UCP3: variants seen among roughly 807,000 people sequenced by gnomAD.
UCP3 encodes the protein putative mitochondrial transporter UCP3.
In UCP3, 24 loss-of-function variants were observed where a neutral mutation model predicts 28.1. The observed-to-expected ratio is 0.85, with a 90% CI of 0.62 to 1.20. UCP3 has a LOEUF of 1.20. UCP3 is among the 50% of genes most tolerant of loss of function. The pLI is 0.00. For synonymous variants in UCP3, 184 were observed against 171.2 expected (o/e 1.07, Z -0.59); for missense variants, 397 against 422.2 (o/e 0.94, Z 0.52).
rs536504852 is a variant in UCP3 at position 74,006,860 on chromosome 11, G to T, written c.126+57C>A. The T allele has an allele frequency of 7.6e-5, 123 of 1,613,524 alleles. No homozygotes were observed. The South Asian group carries it at 1.1e-3, about 14-fold the overall frequency. On this transcript the variant is annotated intron_variant, in intron 2 of 6. Coordinates refer to ENST00000314032, the MANE Select transcript of UCP3 (RefSeq NM_003356.4). The stretch of plus-strand genomic sequence containing the variant: ...TGGGCACACGTCATGGGGGATATGG[G>T]AGAGAACTAGCCCCTCCTTCCATGT...
chr11:74,001,663 GTC>G (rs3837411), intron 6 of UCP3, 137 bp from the exon 7 acceptor site: 34 of 712,504 alleles, frequency 4.8e-5, no homozygotes, highest in Non-Finnish European at 6.1e-5. Context: ...AATCCTTTCA[GTC>G]TCTCTCTCTC....
chr11:74,005,703 C>T (rs763794353), intron 4 of UCP3, 27 bp downstream of exon 4: 7 of 1,613,160 alleles, frequency 4.3e-6, no homozygotes, highest in East Asian at 4.5e-5. Context: ...CTGCCTAAGA[C>T]CGCCTGCGTC....
intron 1 of UCP3, among the ~76,000 whole-genome samples, chr11:74,008,313 A>G (rs911055901): frequency 1.3e-5 from 2 of 152,190 alleles, no homozygotes; most frequent in African/African-American, 4.8e-5. Context: ...TCTCAGCCCC[A>G]GAGATCCTGA....
Position 74,003,931 on chromosome 11 carries a change from C to T in UCP3, c.720G>A (p.Val240=). ...CATVVASPVD[V]VKTRYMNSPP... The stretch of plus-strand genomic sequence containing the variant: ...GTGAGTTCATATACCGGGTCTTCAC[C>T]ACGTCCACCGGGGAGGCCACCACTG... The change falls in exon 6 of 7, where the codon GTG becomes GTA. Residue 240 remains valine, a synonymous_variant. Transcript: ENST00000314032. 6.2e-7 allele frequency: 1 copy of T among 1,614,150 alleles called. No homozygotes were observed. Among genetic ancestry groups the T allele is most frequent in the Non-Finnish European group, 8.5e-7 (1 of 1,180,038 alleles).
In UCP3 at chr11:74,001,006, T is replaced by C; in HGVS notation, c.*406A>G. The C allele has an allele frequency of 4.2e-6, 1 of 238,844 alleles. No individual in the cohort carries two copies. Among genetic ancestry groups the C allele is most frequent in the Non-Finnish European group, 8.2e-6 (1 of 122,054 alleles). The allele number at this position is 238,844 out of a possible 1,614,324, so 14.8% of individuals were successfully genotyped here. A position where few individuals can be genotyped will look rare whatever the true frequency, so the allele number is the denominator to read the frequency against. ...CCAGGCTCCGTGGCTGATCTCCCAC[T>C]CCATTGTGGGCCCCTCCTGTCCCGT... On this transcript the variant is annotated 3_prime_UTR_variant, in exon 7 of 7. Transcript: ENST00000314032.
chr11:74,006,435 G>C (rs912030114), intron 2 of UCP3, 56 bp from the exon 3 acceptor site: 2 of 1,460,356 alleles, frequency 1.4e-6, no homozygotes, highest in African/African-American at 1.4e-5. Flanking sequence ...AAGGGGCTGC[G>C]TGCACAGGAA....
chr11:74,006,503 T>C (rs1951668651), intron 2 of UCP3, 124 bp from the exon 3 acceptor site: 1 of 959,102 alleles, frequency 1.0e-6, no homozygotes, highest in African/African-American at 1.6e-5. Context: ...CTGGTCACAG[T>C]AGAAATCACT....
rs756995001 is a variant in UCP3 at position 74,006,984 on chromosome 11, G to GC, written c.58dup (p.Ala20GlyfsTer9). Reference sequence around the variant, plus strand: ...GTCAGCAAAACAGGCTGCTGTGCCTGCCCCCAGGAACTTCACAGCCATGGT... The same window carrying GC: ...GTCAGCAAAACAGGCTGCTGTGCCTGCCCCCCAGGAACTTCACAGCCATGGT... On this transcript the variant is annotated frameshift_variant, in exon 2 of 7. Transcript: ENST00000314032. LOFTEE classifies it high-confidence loss of function. 1 of 1,614,214 alleles carries GC rather than the reference G, an allele frequency of 6.2e-7. No homozygotes were observed. Among genetic ancestry groups the GC allele is most frequent in the Non-Finnish European group, 8.5e-7 (1 of 1,180,044 alleles).
chr11:74,005,725 C>A lies in UCP3; in HGVS notation c.541+5G>T, dbSNP rs779487396. On this transcript the variant is annotated splice_donor_5th_base_variant and intron_variant, in intron 4 of 6. Coordinates refer to ENST00000314032, the MANE Select transcript of UCP3 (RefSeq NM_003356.4). ...AGACCGCCTGCGTCCAGAGTCCAGA[C>A]CTACCTTTCCACAGGCCCCTGACTC... The A allele has an allele frequency of 6.2e-7, 1 of 1,614,084 alleles. No homozygotes were observed. The highest frequency in any genetic ancestry group is 8.5e-7 in the Non-Finnish European group (1 of 1,180,040).
At chr11:74,001,863 G>A (rs143673013) in intron 6 of UCP3, 68 of 329,346 alleles carry the variant, frequency 2.1e-4, no homozygotes, top group African/African-American at 1.3e-3. Context: ...CCAAAGACCC[G>A]CGGCTAGTAA....
rs11235970 is a variant in UCP3, at chr11:74,001,779, C to T, written c.825-253G>A. On this transcript the variant is annotated intron_variant, in intron 6 of 6. Coordinates refer to ENST00000314032, the MANE Select transcript of UCP3 (RefSeq NM_003356.4). ...TACTGTGTTAGGCAGCGAATTCTCA[C>T]AGTTCTATAAGGCAGCCATGTTGCT... The T allele has an allele frequency of 5.4e-3, 2,488 of 464,262 alleles. 30 individuals are homozygous for T. Among genetic ancestry groups the T allele is most frequent in the Middle Eastern group, 0.034 (54 of 1,574 alleles). 28.8% of individuals were successfully genotyped at this position (464,262 alleles called of 1,614,324 possible).
intron 6 of UCP3, chr11:74,003,599 T>C: frequency 7.7e-7 from 1 of 1,294,188 alleles, no homozygotes; most frequent in Non-Finnish European, 9.8e-7. Flanking sequence ...GGCAGTACTT[T>C]TACCTATTCC....
rs747884430 is a variant in UCP3 at position 74,005,888 on chromosome 11, G to T, written c.383C>A (p.Ala128Asp). 3 of 1,614,196 alleles carry T rather than the reference G, an allele frequency of 1.9e-6. No homozygotes were observed. The highest frequency in any genetic ancestry group is 2.5e-6 in the Non-Finnish European group (3 of 1,180,034). Residue 128 changes from alanine to aspartate, a missense_variant, in exon 4 of 7, where the codon GCC (alanine) becomes GAC (aspartate). Coordinates refer to ENST00000314032, the MANE Select transcript of UCP3 (RefSeq NM_003356.4). ...TRILAGCTTG[A>D]MAVTCAQPTD... is the part of the protein sequence containing the mutation. Reference sequence around the variant, plus strand: ...GGGCTGGGCACAGGTCACCGCCATGGCTCCTGTGGTGCAGCCGGCCAAAAT... The same window carrying T: ...GGGCTGGGCACAGGTCACCGCCATGTCTCCTGTGGTGCAGCCGGCCAAAAT...
intron 6 of UCP3, chr11:74,003,010 G>A (rs999427022): frequency 4.7e-5 from 43 of 922,432 alleles, no homozygotes; most frequent in African/African-American, 2.0e-4. Flanking sequence ...TCTTGGATAA[G>A]TTACTTAACT....
Position 74,003,958 on chromosome 11 carries a change from G to A in UCP3, c.693C>T (p.Ala231=), listed in dbSNP as rs750367534. 1.1e-5 allele frequency: 18 copies of A among 1,614,072 alleles called. No individual in the cohort carries two copies. The Admixed American group carries it at 2.7e-4, about 24-fold the overall frequency. Reference sequence around the variant, plus strand: ...CGTCCACCGGGGAGGCCACCACTGTGGCACAGAAGCCGGCTCCAAAGGCAG... The same window carrying A: ...CGTCCACCGGGGAGGCCACCACTGTAGCACAGAAGCCGGCTCCAAAGGCAG... ...FVSAFGAGFC[A]TVVASPVDVV... The change falls in exon 6 of 7, where the codon GCC becomes GCT. Residue 231 remains alanine, a synonymous_variant. Coordinates refer to ENST00000314032, the MANE Select transcript of UCP3 (RefSeq NM_003356.4).
intron 1 of UCP3, among the ~76,000 whole-genome samples, chr11:74,008,218 G>A (rs766536449): frequency 1.3e-5 from 2 of 152,128 alleles, no homozygotes; most frequent in Non-Finnish European, 1.5e-5. Context: ...CTGAAGCTGC[G>A]CCTGTTTCAC....
chr11:74,001,071 G>C lies in UCP3; in HGVS notation c.*341C>G, dbSNP rs1159855243. 3.1e-6 allele frequency: 1 copy of C among 325,114 alleles called. No homozygotes were observed. Among genetic ancestry groups the C allele is most frequent in the Non-Finnish European group, 5.7e-6 (1 of 174,292 alleles). 20.1% of individuals were successfully genotyped at this position (325,114 alleles called of 1,614,324 possible). ...CTGCTTATCATTCATTATCTAACCA[G>C]ATTTCACGGGGATACACGTCTCCAA... On this transcript the variant is annotated 3_prime_UTR_variant, in exon 7 of 7. Coordinates refer to ENST00000314032, the MANE Select transcript of UCP3 (RefSeq NM_003356.4).
At chr11:74,004,327 G>A (rs1591235223) in intron 5 of UCP3, among the ~76,000 whole-genome samples, 157 bp downstream of exon 5, 1 of 152,162 alleles carries the variant, frequency 6.6e-6, no homozygotes, top group African/African-American at 2.4e-5. Context: ...GGTCTTTCCT[G>A]CTTGTCACCA....
At chr11:74,002,850 A>C in intron 6 of UCP3, 1 of 985,452 alleles carries the variant, frequency 1.0e-6, no homozygotes, top group Non-Finnish European at 1.2e-6. Context: ...CCATTCTAAC[A>C]CTGGGCACCA....
Sources: gnomAD v4.1 joint callset for allele counts (sites outside exome capture counted in the v4.1 genomes callset) on GRCh38, gnomAD v4.1.1 for gene constraint, MANE v1.5 for transcripts, NCBI Gene and HGNC (gene_info 2026-07-23, HGNC 2026-07-21) for gene names.